Variants in SCUBE2 observed in about 807,000 individuals in gnomAD.
SCUBE2 encodes the protein signal peptide, CUB and EGF-like domain-containing protein 2.
Under a neutral mutation model 125.9 loss-of-function variants are expected in SCUBE2, and 114 were observed. The ratio of observed to expected loss-of-function variants is 0.91; its 90% CI spans 0.78 to 1.06. The LOEUF is 1.06. Among genes scored for constraint, SCUBE2 ranks in the 50% least tolerant of loss-of-function variants. SCUBE2 has a pLI of 0.00. For missense variants in SCUBE2, 1,255 were observed against 1,301.8 expected (o/e 0.96, Z 0.55); for synonymous variants, 459 against 492.9 (o/e 0.93, Z 0.91).
intron 9 of SCUBE2, 68 bp from the exon 10 acceptor site, chr11:9,055,977 A>G: frequency 8.1e-7 from 1 of 1,232,906 alleles, no homozygotes; most frequent in Non-Finnish European, 1.2e-6. Context: ...TAGGTTTATG[A>G]TAAATACCAG....
chr11:9,032,404 G>A (rs1856386438), intron 17 of SCUBE2, among the ~76,000 whole-genome samples: 1 of 152,138 alleles, frequency 6.6e-6, no homozygotes. Flanking sequence ...AGGGTTACAG[G>A]TATGAGCCAC....
intron 17 of SCUBE2, 53 bp downstream of exon 17, chr11:9,033,573 A>C (rs1856501068): frequency 6.3e-7 from 1 of 1,580,502 alleles, no homozygotes; most frequent in Non-Finnish European, 8.6e-7. Flanking sequence ...CCTTCTGTCT[A>C]AACAATGACA....
At chr11:9,041,452 C>T (rs1279018014) in intron 16 of SCUBE2, among the ~76,000 whole-genome samples, 3 of 152,002 alleles carry the variant, frequency 2.0e-5, no homozygotes, top group South Asian at 2.1e-4. Context: ...GGGGAGGAAC[C>T]GGAACCAGCA....
rs754999426 is a variant in SCUBE2, at chr11:9,021,110, A to G, written c.3022T>C (p.Phe1008Leu). ...AGCAATCGGATGAACGATCTTGGAA[A>G]CATCTCTCGGGACTCCTGGGCTGTG... ...KYTAQESREMFPRSFIRLLRS... is the reference protein window; with the variant it reads ...KYTAQESREMLPRSFIRLLRS... Residue 1008 changes from phenylalanine to leucine, a missense_variant, in exon 23 of 23, where the codon TTT becomes CTT. By Grantham distance (22) the Phe-to-Leu change is conservative (BLOSUM62 0). Around this residue, in one of 3 missense-constraint regions of SCUBE2, gnomAD observed 515 missense variants for 515.7 expected, o/e 1.00. Transcript: ENST00000649792. 11 of 1,613,830 alleles carry G rather than the reference A, an allele frequency of 6.8e-6. No individual in the cohort carries two copies. The highest frequency in any genetic ancestry group is 1.7e-5 in the Admixed American group (1 of 59,990).
intron 16 of SCUBE2, among the ~76,000 whole-genome samples, chr11:9,036,222 A>C (rs1420272380): frequency 6.6e-6 from 1 of 152,216 alleles, no homozygotes; most frequent in Non-Finnish European, 1.5e-5. Flanking sequence ...TTAAAAGTGA[A>C]CCAAACTCTT....
chr11:9,075,248 C>T (rs1430979862), intron 3 of SCUBE2, among the ~76,000 whole-genome samples: 1 of 151,038 alleles, frequency 6.6e-6, no homozygotes, highest in African/African-American at 2.4e-5. Context: ...TAGGAGCATG[C>T]CCTTCAGCAA....
At chr11:9,029,837 C>T (rs182307677) in intron 19 of SCUBE2, 47 bp downstream of exon 19, 49 of 1,609,066 alleles carry the variant, frequency 3.0e-5, no homozygotes, top group Non-Finnish European at 3.7e-5. Context: ...GACCCAGACA[C>T]CTATCTTCTT....
rs1855245282 is a variant in SCUBE2, at chr11:9,020,948, G to A, written c.*97C>T. The stretch of plus-strand genomic sequence containing the variant: ...CTCTAATGAGTCACTGATACGGGAG[G>A]CAGCAATACCCGACTGTGCTGACAT... On this transcript the variant is annotated 3_prime_UTR_variant, in exon 23 of 23. Coordinates refer to ENST00000649792, the MANE Select transcript of SCUBE2 (RefSeq NM_001367977.2). The A allele has an allele frequency of 4.7e-6, 5 of 1,055,154 alleles. No homozygotes were observed. Among genetic ancestry groups the A allele is most frequent in the African/African-American group, 1.6e-5 (1 of 61,712 alleles). The allele number at this position is 1,055,154 out of a possible 1,614,324, so 65.4% of individuals were successfully genotyped here.
chr11:9,052,856 C>A, intron 12 of SCUBE2, 24 bp from the exon 13 acceptor site: 2 of 1,513,458 alleles, frequency 1.3e-6, no homozygotes, highest in South Asian at 2.4e-5. Context: ...TGTCAATTGT[C>A]AAATGCATAA....
At chr11:9,078,098 A>G (rs957547177) in intron 3 of SCUBE2, among the ~76,000 whole-genome samples, 1 of 152,254 alleles carries the variant, frequency 6.6e-6, no homozygotes, top group African/African-American at 2.4e-5. Flanking sequence ...TGGAAAAAAA[A>G]AAGAGCAACC....
At chr11:9,075,007 G>C (rs1408202906) in intron 3 of SCUBE2, among the ~76,000 whole-genome samples, 1 of 152,120 alleles carries the variant, frequency 6.6e-6, no homozygotes, top group African/African-American at 2.4e-5. Context: ...CCTGAGGTCA[G>C]GAATTCAAGA....
Position 9,053,148 on chromosome 11 carries a change from T to G in SCUBE2, c.1398A>C (p.Gly466=). 2 of 1,614,204 alleles carry G rather than the reference T, an allele frequency of 1.2e-6. No homozygotes were observed. Among genetic ancestry groups the G allele is most frequent in the Non-Finnish European group, 1.7e-6 (2 of 1,180,046 alleles). The part of the protein sequence containing the change: ...RVSLHCGKSG[G]GDGCFLRCHS... ...GACATCTGAGGAAGCACCCGTCTCC[T>G]CCACCACTCTTACCGCAGTGCAGGG... is the stretch of plus-strand genomic sequence containing the variant. Residue 466 remains glycine, a synonymous_variant, in exon 12 of 23, where the codon GGA becomes GGC. Coordinates refer to ENST00000649792, the MANE Select transcript of SCUBE2 (RefSeq NM_001367977.2).
chr11:9,053,084 C>A lies in SCUBE2; in HGVS notation c.1447+15G>T. The A allele has an allele frequency of 6.2e-7, 1 of 1,608,312 alleles. No homozygotes were observed. The highest frequency in any genetic ancestry group is 1.1e-5 in the South Asian group (1 of 90,846). On this transcript the variant is annotated intron_variant, in intron 12 of 22. Coordinates refer to ENST00000649792, the MANE Select transcript of SCUBE2 (RefSeq NM_001367977.2). ...CCAGTGTGAGGACCTGCCCCGGGAA[C>A]TGGGCCCCACTCACCTGAAGAGAGG...
chr11:9,074,087 T>G (rs1861022514), intron 4 of SCUBE2, among the ~76,000 whole-genome samples: 1 of 152,146 alleles, frequency 6.6e-6, no homozygotes, highest in Non-Finnish European at 1.5e-5. Context: ...GGATCCAGCC[T>G]CCTCCCTACC....
At chr11:9,033,257 A>G (rs1856468591) in intron 17 of SCUBE2, among the ~76,000 whole-genome samples, 1 of 152,232 alleles carries the variant, frequency 6.6e-6, no homozygotes. Flanking sequence ...TTTGAGACCA[A>G]AGCTGGAGAA....
At chr11:9,048,374 G>A (rs987696230) in intron 14 of SCUBE2, among the ~76,000 whole-genome samples, 3 of 152,184 alleles carry the variant, frequency 2.0e-5, no homozygotes, top group African/African-American at 7.2e-5. Context: ...CCACATATGT[G>A]GAAGACAAGA....
At chr11:9,025,677 T>C (rs2135039658) in intron 21 of SCUBE2, 25 bp downstream of exon 21, 3 of 1,613,090 alleles carry the variant, frequency 1.9e-6, no homozygotes, top group Non-Finnish European at 2.5e-6. Flanking sequence ...AGACGCTCTT[T>C]CCATGTGCTG....
intron 2 of SCUBE2, among the ~76,000 whole-genome samples, chr11:9,079,816 G>A (rs376066983): frequency 6.6e-6 from 1 of 152,112 alleles, no homozygotes; most frequent in African/African-American, 2.4e-5. Context: ...CTGATTTGGA[G>A]TAATTTCTAG....
At position 9,089,784 on chromosome 11, in the gene SCUBE2, G is replaced by GCGT. The variant is rs1252137096; in HGVS notation, c.176_178dup (p.Asp59dup). ...GGAGGTGGGTGTGTTCTGACACAGG[G>GCGT]CGTCGGCATGGCAGTCATCTAGCCC... On this transcript the variant is annotated inframe_insertion, in exon 2 of 23. Transcript: ENST00000649792. 6.2e-7 allele frequency: 1 copy of GCGT among 1,613,954 alleles called. No homozygotes were observed. The highest frequency in any genetic ancestry group is 1.3e-5 in the African/African-American group (1 of 75,010).
Sources: gnomAD v4.1 joint callset for allele counts (sites outside exome capture counted in the v4.1 genomes callset) on GRCh38, gnomAD v4.1.1 for gene constraint, gnomAD v4.1.1 regional missense constraint, MANE v1.5 for transcripts, NCBI Gene and HGNC (gene_info 2026-07-23, HGNC 2026-07-21) for gene names.